PIK3CA: variants seen among roughly 807,000 people sequenced by gnomAD.
PIK3CA encodes phosphatidylinositol 4,5-bisphosphate 3-kinase catalytic subunit alpha isoform.
A neutral mutation model predicts 138.2 loss-of-function variants in PIK3CA; 27 were observed. That is an observed-to-expected ratio of 0.20 (90% CI 0.14 to 0.27). The LOEUF is 0.27. Ranked by LOEUF, PIK3CA falls within the 10% of genes least tolerant of loss-of-function variation. The probability of loss-of-function intolerance (pLI) is 1.00; values close to 1 mark genes in which losing one functional copy is unlikely to be tolerated. For missense variants in PIK3CA, 544 were observed against 1,277.4 expected (o/e 0.43, Z 8.75); for synonymous variants, 358 against 413.2 (o/e 0.87, Z 1.62).
chr3:179,167,346 C>T (rs910044714), intron 1 of PIK3CA, among the ~76,000 whole-genome samples: 6 of 151,900 alleles, frequency 3.9e-5, no homozygotes, highest in Non-Finnish European at 7.4e-5. Context: ...ATCTCACTAG[C>T]CTTTCATTCA....
intron 1 of PIK3CA, among the ~76,000 whole-genome samples, chr3:179,179,926 G>A (rs1216794866): frequency 4.6e-5 from 7 of 152,084 alleles, no homozygotes; most frequent in Admixed American, 2.6e-4. Context: ...GATTAAAATG[G>A]CAATAAATGT....
At chr3:179,211,002 T>C (rs549917276) in intron 9 of PIK3CA, among the ~76,000 whole-genome samples, 67 of 152,238 alleles carry the variant, frequency 4.4e-4, no homozygotes, top group African/African-American at 1.4e-3. Flanking sequence ...TATTGGAAAA[T>C]TTTTTGGAGA....
At chr3:179,180,027 G>T (rs1723801575) in intron 1 of PIK3CA, among the ~76,000 whole-genome samples, 1 of 152,196 alleles carries the variant, frequency 6.6e-6, no homozygotes, top group African/African-American at 2.4e-5. Flanking sequence ...AGCTTGGAGT[G>T]TGGGAAAAAT....
intron 1 of PIK3CA, among the ~76,000 whole-genome samples, chr3:179,150,714 C>G: frequency 6.6e-6 from 1 of 152,170 alleles, no homozygotes; most frequent in Non-Finnish European, 1.5e-5. Flanking sequence ...ATAAGGTCCT[C>G]TCCATCCCAA....
At chr3:179,202,021 C>G (rs1289306920) in intron 4 of PIK3CA, among the ~76,000 whole-genome samples, 2 of 152,064 alleles carry the variant, frequency 1.3e-5, no homozygotes, top group Admixed American at 6.6e-5. Context: ...GGCAGTTACT[C>G]CAGCTCCCAA....
chr3:179,178,108 T>G (rs1286654450), intron 1 of PIK3CA, among the ~76,000 whole-genome samples: 12 of 124,310 alleles, frequency 9.7e-5, no homozygotes, highest in South Asian at 2.9e-4. Context: ...AGTGTTTGGG[T>G]TTTTTTTTGT....
At chr3:179,177,278 G>T (rs181340721) in intron 1 of PIK3CA, among the ~76,000 whole-genome samples, 1 of 150,052 alleles carries the variant, frequency 6.7e-6, no homozygotes, top group African/African-American at 2.4e-5. Flanking sequence ...TTTCTGTGTG[G>T]CATCTTGGTA....
In PIK3CA at chr3:179,199,098, C is replaced by A. The variant is rs778184105; in HGVS notation, c.273C>A (p.Asp91Glu). ...TTGATGAAACAAGACGACTTTGTGA[C>A]CTTCGGCTTTTTCAACCCTTTTTAA... is the stretch of plus-strand genomic sequence containing the variant. ...EFFDETRRLC[D>E]LRLFQPFLKV... Residue 91 changes from aspartate to glutamate, a missense_variant, in exon 2 of 21, where the codon GAC becomes GAA. By Grantham distance (45) the Asp-to-Glu change is conservative (BLOSUM62 2). Coordinates refer to ENST00000263967, the MANE Select transcript of PIK3CA (RefSeq NM_006218.4). 6.2e-7 allele frequency: 1 copy of A among 1,611,768 alleles called. No homozygotes were observed. The highest frequency in any genetic ancestry group is 1.7e-5 in the Admixed American group (1 of 59,370).
chr3:179,211,140 C>G (rs531262180), intron 9 of PIK3CA, among the ~76,000 whole-genome samples: 186 of 152,046 alleles, frequency 1.2e-3, no homozygotes, highest in Non-Finnish European at 1.5e-3. Context: ...CATTTACGAC[C>G]ATAAAATATA....
rs756061699 is a variant in PIK3CA, at chr3:179,199,902, A to G, written c.562+3A>G. The G allele has an allele frequency of 6.5e-7, 1 of 1,539,114 alleles. No individual in the cohort carries two copies. The highest frequency in any genetic ancestry group is 9.0e-7 in the Non-Finnish European group (1 of 1,112,506). On this transcript the variant is annotated splice_donor_region_variant and intron_variant, in intron 3 of 20. Transcript: ENST00000263967. ...CATATATAATAAATTAGATAAAGGT[A>G]AGAAAATGACTAATCTACTCTAATC...
At chr3:179,181,233 A>T (rs1723837430) in intron 1 of PIK3CA, among the ~76,000 whole-genome samples, 1 of 152,188 alleles carries the variant, frequency 6.6e-6, no homozygotes, top group Non-Finnish European at 1.5e-5. Flanking sequence ...TTTTATTCAG[A>T]AAAGGAATTT....
intron 20 of PIK3CA, among the ~76,000 whole-genome samples, chr3:179,231,996 A>C (rs143479977): frequency 6.6e-6 from 1 of 152,172 alleles, no homozygotes; most frequent in East Asian, 1.9e-4. Context: ...AGTTCCTTAT[A>C]GATTCTGGAT....
At chr3:179,189,335 A>G (rs998644499) in intron 1 of PIK3CA, among the ~76,000 whole-genome samples, 1 of 152,218 alleles carries the variant, frequency 6.6e-6, no homozygotes, top group African/African-American at 2.4e-5. Context: ...CTTCATGTAA[A>G]AGATACATAA....
intron 1 of PIK3CA, among the ~76,000 whole-genome samples, chr3:179,155,217 G>C (rs958981109): frequency 6.6e-6 from 1 of 152,182 alleles, no homozygotes; most frequent in African/African-American, 2.4e-5. Flanking sequence ...TTTTTGAACA[G>C]GAGGAGACAA....
chr3:179,200,502 TCA>T, intron 3 of PIK3CA, among the ~76,000 whole-genome samples: 1 of 152,260 alleles, frequency 6.6e-6, no homozygotes. Flanking sequence ...GAGTTAACTC[TCA>T]CACACTATTA....
In PIK3CA at chr3:179,234,820, T is replaced by C. The variant is rs1293073311; in HGVS notation, c.*456T>C. 1 of 232,330 alleles carries C rather than the reference T, an allele frequency of 4.3e-6. No individual in the cohort carries two copies. The highest frequency in any genetic ancestry group is 8.5e-6 in the Non-Finnish European group (1 of 117,400). 14.4% of individuals were successfully genotyped at this position (232,330 alleles called of 1,614,324 possible). A position where few individuals can be genotyped will look rare whatever the true frequency, so the allele number is the denominator to read the frequency against. ...AAACTGGAGTTTATGTTAAATTACA[T>C]TGATTGGAAAAGAATGAAAATTTCT... On this transcript the variant is annotated 3_prime_UTR_variant, in exon 21 of 21. Transcript: ENST00000263967. This position sits in a 1 kb window ranked among gnomAD's most constrained non-coding sequence, Gnocchi z 5.1.
intron 1 of PIK3CA, among the ~76,000 whole-genome samples, chr3:179,192,131 T>C (rs1332571684): frequency 6.6e-6 from 1 of 152,180 alleles, no homozygotes; most frequent in Non-Finnish European, 1.5e-5. Flanking sequence ...TTCCAGAATA[T>C]TGTAGTAGAT....
chr3:179,204,592 A>G lies in PIK3CA; in HGVS notation c.1145+4A>G, dbSNP rs1724508525. ...GAGTACCTTGTTCCAATCCCAGGTA[A>G]GGAAGTATATAGATTTATATTTCCA... On this transcript the variant is annotated splice_donor_region_variant and intron_variant, in intron 6 of 20. Coordinates refer to ENST00000263967, the MANE Select transcript of PIK3CA (RefSeq NM_006218.4). 1.5e-6 allele frequency: 2 copies of G among 1,367,088 alleles called. No homozygotes were observed. Among genetic ancestry groups the G allele is most frequent in the Admixed American group, 3.4e-5 (2 of 59,618 alleles). 84.7% of individuals were successfully genotyped at this position (1,367,088 alleles called of 1,614,324 possible).
At chr3:179,152,848 C>T (rs1424373146) in intron 1 of PIK3CA, among the ~76,000 whole-genome samples, 1 of 152,118 alleles carries the variant, frequency 6.6e-6, no homozygotes, top group Non-Finnish European at 1.5e-5. Context: ...GTTAGTCAAC[C>T]TGCTTGGGAA....
Sources: allele counts gnomAD v4.1 joint callset (sites outside exome capture counted in the v4.1 genomes callset), GRCh38; gene constraint gnomAD v4.1.1; non-coding constraint Gnocchi (gnomAD v3.1); transcripts MANE v1.5; gene names NCBI Gene and HGNC (gene_info 2026-07-23, HGNC 2026-07-21).